Variants in SATL1 observed in about 807,000 individuals in gnomAD.
The protein encoded by SATL1 is spermidine/spermine N(1)-acetyltransferase-like protein 1.
A neutral mutation model predicts 51.8 loss-of-function variants in SATL1; 47 were observed. That is an observed-to-expected ratio of 0.91 (90% CI 0.72 to 1.16). SATL1 has a LOEUF of 1.16. Among genes scored for constraint, SATL1 ranks in the 50% most tolerant of loss-of-function variants. The pLI is 0.00. For missense variants in SATL1, 520 were observed against 526.4 expected (o/e 0.99, Z 0.12); for synonymous variants, 176 against 182.4 (o/e 0.97, Z 0.28).
intron 2 of SATL1, chrX:85,143,566 A>C (rs1262463914): frequency 8.9e-6 from 1 of 111,802 alleles, no homozygotes; most frequent in East Asian, 2.8e-4. Flanking sequence ...ATTATGCTTT[A>C]ATTAGAGAGG....
At chrX:85,136,212 T>G (rs1171808941) in intron 2 of SATL1, among the ~76,000 whole-genome samples, 1 of 110,427 alleles carries the variant, frequency 9.1e-6, no homozygotes, top group Non-Finnish European at 1.9e-5. Flanking sequence ...GAGTTCAGCT[T>G]CAGTCATATA....
chrX:85,142,458 G>A (rs1027480191), intron 2 of SATL1, among the ~76,000 whole-genome samples: 1 of 109,500 alleles, frequency 9.1e-6, no homozygotes, highest in African/African-American at 3.3e-5. Flanking sequence ...ACCAGGTCAA[G>A]GTAAGCTGGG....
chrX:85,144,261 T>C (rs1286907333), intron 2 of SATL1, among the ~76,000 whole-genome samples: 2 of 112,186 alleles, frequency 1.8e-5, no homozygotes, highest in Non-Finnish European at 3.8e-5. Flanking sequence ...AACTGTGTTA[T>C]ATTTTCTGAT....
intron 2 of SATL1, among the ~76,000 whole-genome samples, chrX:85,150,944 C>T (rs371708594): frequency 9.0e-6 from 1 of 111,134 alleles, no homozygotes; most frequent in Non-Finnish European, 1.9e-5. Flanking sequence ...CTATTCAACA[C>T]AGTGTTGGAA....
chrX:85,205,386 T>C (rs1202883909), intron 2 of SATL1, among the ~76,000 whole-genome samples: 1 of 111,858 alleles, frequency 8.9e-6, no homozygotes, highest in African/African-American at 3.2e-5. Context: ...AGGAAGACAA[T>C]AAACAAATAA....
chrX:85,156,839 ATATATATATATATATATATATATATATAT>A (rs1926603175), intron 2 of SATL1, among the ~76,000 whole-genome samples: 14 of 16,676 alleles, frequency 8.4e-4, no homozygotes, highest in Admixed American at 3.2e-3. Flanking sequence ...ATATATATAT[ATATATATATATATATATATATATATATAT>A]AAAATATGTA....
chrX:85,171,059 G>A (rs1926961386), intron 2 of SATL1, among the ~76,000 whole-genome samples: 1 of 111,362 alleles, frequency 9.0e-6, no homozygotes, highest in Admixed American at 9.6e-5. Context: ...AGAAAATCTT[G>A]CATAACTGGT....
At chrX:85,182,097 A>C (rs919152638) in intron 2 of SATL1, among the ~76,000 whole-genome samples, 2 of 111,427 alleles carry the variant, frequency 1.8e-5, no homozygotes, top group African/African-American at 6.5e-5. Context: ...TTTGTATTGA[A>C]AATTTTTGAT....
Position 85,156,861 on chromosome X carries a change from ATATATAT to A in SATL1, c.-312-47588_-312-47582del, listed in dbSNP as rs1569238917. Among the ~76,000 whole-genome samples, 244 of 44,236 alleles carry A rather than the reference ATATATAT, an allele frequency of 5.5e-3. 3 individuals carry two copies. The highest frequency in any genetic ancestry group is 0.015 in the African/African-American group (203 of 13,574). 38.4% of individuals were successfully genotyped at this position (44,236 alleles called of 115,157 possible). Reference sequence around the variant, plus strand: ...TATATATATATATATATATATATATATATATATAAAATATGTAAATCTCTTCTCATCC... The same window carrying A: ...TATATATATATATATATATATATATAAAAATATGTAAATCTCTTCTCATCC... On this transcript the variant is annotated intron_variant, in intron 2 of 7. Coordinates refer to ENST00000644105, the MANE Select transcript of SATL1 (RefSeq NM_001367857.2).
At chrX:85,094,041 G>A (rs139568808) in intron 6 of SATL1, 87 bp downstream of exon 6, 7 of 482,283 alleles carry the variant, frequency 1.5e-5, no homozygotes, top group African/African-American at 2.4e-5. Flanking sequence ...CTAAAACACC[G>A]TATGTATAGT....
chrX:85,104,657 C>G (rs1449931160), intron 3 of SATL1, among the ~76,000 whole-genome samples: 1 of 110,615 alleles, frequency 9.0e-6, no homozygotes, highest in African/African-American at 3.3e-5. Flanking sequence ...GGACCTGCTC[C>G]CTCAGCCCCA....
At chrX:85,145,161 T>G (rs181244757) in intron 2 of SATL1, among the ~76,000 whole-genome samples, 1 of 111,996 alleles carries the variant, frequency 8.9e-6, no homozygotes, top group African/African-American at 3.2e-5. Flanking sequence ...TTAGTGCACA[T>G]TGGGAATGAA....
chrX:85,135,808 G>A (rs967940937), intron 2 of SATL1, among the ~76,000 whole-genome samples: 1 of 109,647 alleles, frequency 9.1e-6, no homozygotes, highest in Non-Finnish European at 1.9e-5. Context: ...TCAAACTCCT[G>A]AGCTCAAGCG....
At chrX:85,152,432 A>G (rs776568686) in intron 2 of SATL1, among the ~76,000 whole-genome samples, 3 of 111,928 alleles carry the variant, frequency 2.7e-5, no homozygotes, top group Non-Finnish European at 5.6e-5. Context: ...ATCTAGAACT[A>G]GAAATACCAT....
chrX:85,107,303 C>A (rs370694394), intron 3 of SATL1, 25 bp downstream of exon 3: 401 of 1,165,372 alleles, frequency 3.4e-4, no homozygotes, highest in Non-Finnish European at 4.6e-4. Context: ...TGCCATGAGG[C>A]TCCATGTAAT....
At position 85,092,366 on chromosome X, in the gene SATL1, G is replaced by A. The variant is rs1281150135; in HGVS notation, c.*25C>T. On this transcript the variant is annotated 3_prime_UTR_variant, in exon 8 of 8. Coordinates refer to ENST00000644105, the MANE Select transcript of SATL1 (RefSeq NM_001367857.2). ...ACAGTCAAATGTTGGAGGCTGTGTTGGGATGAGTTGTTACAAAGCCTCTTT... is the reference window on the plus strand; with the variant it reads ...ACAGTCAAATGTTGGAGGCTGTGTTAGGATGAGTTGTTACAAAGCCTCTTT... 6 of 1,153,234 alleles carry A rather than the reference G, an allele frequency of 5.2e-6. No individual in the cohort carries two copies. The highest frequency in any genetic ancestry group is 6.9e-6 in the Non-Finnish European group (6 of 866,483).
At chrX:85,121,338 A>G (rs1925501020) in intron 2 of SATL1, among the ~76,000 whole-genome samples, 2 of 105,272 alleles carry the variant, frequency 1.9e-5, no homozygotes, top group Non-Finnish European at 3.9e-5. Flanking sequence ...AAATATATAA[A>G]TATATACTAT....
At position 85,174,028 on chromosome X, in the gene SATL1, T is replaced by A. The variant is rs773330976; in HGVS notation, c.-313+50177A>T. On this transcript the variant is annotated intron_variant, in intron 2 of 7. Coordinates refer to ENST00000644105, the MANE Select transcript of SATL1 (RefSeq NM_001367857.2). ...ATGAGTGAGAACATGCGGTGTTTGG[T>A]TTTTCTGTCCTTGTGATAGTTTGCT... Among the ~76,000 whole-genome samples the A allele has an allele frequency of 2.8e-5, 3 of 107,274 alleles. No homozygotes were observed. The East Asian group carries it at 9.0e-4, about 32-fold the overall frequency. 93.2% of individuals were successfully genotyped at this position (107,274 alleles called of 115,157 possible).
At chrX:85,166,390 A>G (rs1926835352) in intron 2 of SATL1, among the ~76,000 whole-genome samples, 1 of 112,076 alleles carries the variant, frequency 8.9e-6, no homozygotes, top group Non-Finnish European at 1.9e-5. Context: ...ACAAAGGACT[A>G]ATATCCAGAA....
Sources: allele counts gnomAD v4.1 joint callset (sites outside exome capture counted in the v4.1 genomes callset), GRCh38; gene constraint gnomAD v4.1.1; transcripts MANE v1.5; gene names NCBI Gene and HGNC (gene_info 2026-07-23, HGNC 2026-07-21).